The following TJP3 variants were observed in gnomAD, a reference collection of about 807,000 sequenced individuals.
TJP3 encodes the protein tight junction protein 3.
Under a neutral mutation model 104.2 loss-of-function variants are expected in TJP3, and 85 were observed. The ratio of observed to expected loss-of-function variants is 0.82; its 90% CI spans 0.68 to 0.98. TJP3 has a LOEUF of 0.98. Among genes scored for constraint, TJP3 ranks in the 50% least tolerant of loss-of-function variants. The pLI, the probability that TJP3 is intolerant of heterozygous loss-of-function variation, is 0.00. For missense variants in TJP3, 1,367 were observed against 1,322.8 expected (o/e 1.03, Z -0.52); for synonymous variants, 550 against 550.6 (o/e 1.00, Z 0.02).
chr19:3,721,885 G>T, intron 1 of TJP3: 1 of 1,229,756 alleles, frequency 8.1e-7, no homozygotes, highest in Non-Finnish European at 1.0e-6. Flanking sequence ...AGAGCCCCCA[G>T]GTGGACCATG....
In TJP3 at chr19:3,734,368, T is replaced by C. The variant is rs1021273641; in HGVS notation, c.919T>C (p.Ser307Pro). The C allele has an allele frequency of 3.7e-6, 6 of 1,613,242 alleles. No individual in the cohort carries two copies. In the African/African-American group the frequency reaches 6.7e-5, roughly 18 times the overall value. The change falls in exon 8 of 21, where the codon TCC (serine) becomes CCC (proline). Residue 307 changes from serine to proline, a missense_variant. By Grantham distance (74) the Ser-to-Pro change is moderately conservative. Transcript: ENST00000541714. The stretch of plus-strand genomic sequence containing the variant: ...CTCGGAGCTATCGCAGGCACCACCA[T>C]CCCACATCCCACCACCACCCCGGCA... ...LASELSQAPP[S>P]HIPPPPRHAQ...
At position 3,730,273 on chromosome 19, in the gene TJP3, C is replaced by T; in HGVS notation, c.262-82C>T. 6.7e-7 allele frequency: 1 copy of T among 1,484,498 alleles called. No homozygotes were observed. The highest frequency in any genetic ancestry group is 9.1e-7 in the Non-Finnish European group (1 of 1,095,676). The allele number at this position is 1,484,498 out of a possible 1,614,324, so 92.0% of individuals were successfully genotyped here. On this transcript the variant is annotated intron_variant, in intron 4 of 20. Coordinates refer to ENST00000541714, the MANE Select transcript of TJP3 (RefSeq NM_001267560.2). This position sits in a 1 kb window ranked among gnomAD's most constrained non-coding sequence, Gnocchi z 7.3. ...TTGAGGCCCAGAGAGAGACTGGTGT[C>T]CCCCAGGGCCACCCGGGGGCTGAGC...
At chr19:3,738,453 G>A in intron 11 of TJP3, 102 bp from the exon 12 acceptor site, 1 of 1,012,566 alleles carries the variant, frequency 9.9e-7, no homozygotes, top group Non-Finnish European at 1.5e-6. Context: ...AGCAGCTCTG[G>A]AAGCAGCTGG....
At position 3,736,220 on chromosome 19, in the gene TJP3, C is replaced by T. The variant is rs777244462; in HGVS notation, c.1183C>T (p.Arg395Trp). The T allele has an allele frequency of 8.8e-6, 14 of 1,594,182 alleles. No homozygotes were observed. Among genetic ancestry groups the T allele is most frequent in the African/African-American group, 4.0e-5 (3 of 74,358 alleles). The change falls in exon 11 of 21, where the codon CGG becomes TGG. Residue 395 changes from arginine to tryptophan, a missense_variant. Coordinates refer to ENST00000541714, the MANE Select transcript of TJP3 (RefSeq NM_001267560.2). Reference sequence around the variant, plus strand: ...CCTCAAGGGCAAGAGCATCGGGCTGCGGCTGGCAGGGGGCAATGACGTGGG... The same window carrying T: ...CCTCAAGGGCAAGAGCATCGGGCTGTGGCTGGCAGGGGGCAATGACGTGGG... ...RFLKGKSIGLRLAGGNDVGIF... is the reference protein window; with the variant it reads ...RFLKGKSIGLWLAGGNDVGIF...
intron 1 of TJP3, among the ~76,000 whole-genome samples, chr19:3,723,808 A>AAAAAAT (rs368301716): frequency 7.8e-6 from 1 of 128,934 alleles, no homozygotes; most frequent in Non-Finnish European, 1.6e-5. Flanking sequence ...AAAAAAAAAA[A>AAAAAAT]ATATATATAT....
At chr19:3,744,637 C>T (rs2036862191) in intron 15 of TJP3, among the ~76,000 whole-genome samples, 1 of 150,996 alleles carries the variant, frequency 6.6e-6, no homozygotes, top group Non-Finnish European at 1.5e-5. Context: ...GCACTCCAGC[C>T]TGACGACGGA....
At chr19:3,741,190 AC>A (rs2036812600) in intron 14 of TJP3, among the ~76,000 whole-genome samples, 1 of 151,776 alleles carries the variant, frequency 6.6e-6, no homozygotes, top group Non-Finnish European at 1.5e-5. Flanking sequence ...TTTAGTAAAG[AC>A]GGGGTTTCAC....
chr19:3,739,052 G>A lies in TJP3; in HGVS notation c.1549G>A (p.Ala517Thr), dbSNP rs777561955. The stretch of plus-strand genomic sequence containing the variant: ...GCACCCCGGCCCCGGGCAGAGCCAC[G>A]CACGAGGAGGCCACTGGCTGGCGGT... ...TLHPGPGQSH[A>T]RGGHWLAVRM... is the part of the protein sequence containing the mutation. The change falls in exon 13 of 21, where the codon GCA (alanine) becomes ACA (threonine). Residue 517 changes from alanine (A) to threonine (T), a missense_variant. Transcript: ENST00000541714. 13 of 1,609,372 alleles carry A rather than the reference G, an allele frequency of 8.1e-6. No homozygotes were observed. Among genetic ancestry groups the A allele is most frequent in the African/African-American group, 2.7e-5 (2 of 74,872 alleles).
chr19:3,716,187 C>T (rs1044091579), intron 1 of TJP3, among the ~76,000 whole-genome samples: 2 of 148,126 alleles, frequency 1.4e-5, no homozygotes, highest in African/African-American at 4.9e-5. Context: ...ATTCTCCTGC[C>T]TCAGCCTCCC....
At chr19:3,719,110 G>A (rs377735909) in intron 1 of TJP3, among the ~76,000 whole-genome samples, 3 of 152,072 alleles carry the variant, frequency 2.0e-5, no homozygotes, top group East Asian at 1.9e-4. Flanking sequence ...TGTGAACCCC[G>A]CAGGCGGAGC....
chr19:3,734,476 G>A (rs1422822206), intron 8 of TJP3, 41 bp downstream of exon 8: 7 of 1,547,194 alleles, frequency 4.5e-6, no homozygotes, highest in Non-Finnish European at 6.1e-6. Context: ...TAGGGAGGGA[G>A]AGGGAGGTGG....
intron 6 of TJP3, among the ~76,000 whole-genome samples, chr19:3,732,532 CAG>C (rs2036684762): frequency 6.7e-6 from 1 of 148,606 alleles, no homozygotes; most frequent in East Asian, 2.0e-4. Context: ...TTTTTTCAGA[CAG>C]AGTCTCGCTC....
At position 3,735,643 on chromosome 19, in the gene TJP3, G is replaced by A. The variant is rs145450549; in HGVS notation, c.1060+4G>A. 4.5e-4 allele frequency: 724 copies of A among 1,614,180 alleles called. 6 individuals are homozygous for A. In the East Asian group the frequency reaches 0.015, roughly 34 times the overall value. ...GAACCAGATGAGCAACGGTCAGGTG[G>A]GTGGTGACTCTGAGCACCCCTGTCC... On this transcript the variant is annotated splice_donor_region_variant and intron_variant, in intron 9 of 20. Coordinates refer to ENST00000541714, the MANE Select transcript of TJP3 (RefSeq NM_001267560.2).
intron 14 of TJP3, among the ~76,000 whole-genome samples, chr19:3,742,294 G>T (rs1050769594): frequency 5.9e-5 from 9 of 151,748 alleles, no homozygotes; most frequent in African/African-American, 2.2e-4. Context: ...AATTAGCCAG[G>T]TGTGGTGGTA....
chr19:3,736,848 T>A (rs143055151), intron 11 of TJP3, among the ~76,000 whole-genome samples: 5,818 of 150,500 alleles, frequency 0.039, 114 homozygotes, highest in Middle Eastern at 0.11. Flanking sequence ...GTAGCTGAGA[T>A]TACAGGCATG....
intron 1 of TJP3, among the ~76,000 whole-genome samples, chr19:3,720,797 C>A (rs1279509370): frequency 3.3e-5 from 5 of 151,854 alleles, no homozygotes; most frequent in African/African-American, 1.2e-4. Context: ...AGGAAACGAC[C>A]TTTACTCCCT....
In TJP3 at chr19:3,746,374, T is replaced by C; in HGVS notation, c.2011-111T>C. On this transcript the variant is annotated intron_variant, in intron 16 of 20. Coordinates refer to ENST00000541714, the MANE Select transcript of TJP3 (RefSeq NM_001267560.2). This position sits in a 1 kb window ranked among gnomAD's most constrained non-coding sequence, Gnocchi z 4.1. ...CATCCCCAACTTGCTAGCCTGTGGA[T>C]GTGAGAGGCTGGGGTCCACTCTGAC... 9 of 1,199,894 alleles carry C rather than the reference T, an allele frequency of 7.5e-6. No homozygotes were observed. The highest frequency in any genetic ancestry group is 1.1e-5 in the Non-Finnish European group (9 of 847,272). 74.3% of individuals were successfully genotyped at this position (1,199,894 alleles called of 1,614,324 possible).
intron 13 of TJP3, among the ~76,000 whole-genome samples, chr19:3,739,834 C>T (rs1043717498): frequency 3.3e-5 from 5 of 152,090 alleles, no homozygotes; most frequent in African/African-American, 1.2e-4. Context: ...CTCTTCTAGT[C>T]TCTCTCTGAC....
intron 5 of TJP3, among the ~76,000 whole-genome samples, chr19:3,731,412 C>A (rs1400462391): frequency 2.0e-5 from 3 of 152,096 alleles, no homozygotes; most frequent in Non-Finnish European, 4.4e-5. Flanking sequence ...GCAGGCAGAT[C>A]ACTTGAGGCC....
Sources: allele counts gnomAD v4.1 joint callset (sites outside exome capture counted in the v4.1 genomes callset), GRCh38; gene constraint gnomAD v4.1.1; non-coding constraint Gnocchi (gnomAD v3.1); transcripts MANE v1.5; gene names NCBI Gene and HGNC (gene_info 2026-07-23, HGNC 2026-07-21).